The following MICU1 variants were observed in gnomAD, a reference collection of about 807,000 sequenced individuals.
The protein encoded by MICU1 is mitochondrial calcium uptake 1, also known as calcium uptake protein 1, mitochondrial.
A neutral mutation model predicts 56.8 loss-of-function variants in MICU1; 45 were observed. The observed-to-expected ratio is 0.79, with a 90% CI of 0.62 to 1.02. The LOEUF (loss-of-function observed/expected upper bound fraction) is 1.02, where lower values mean the gene tolerates loss of function less well. MICU1 is among the 50% of genes least tolerant of loss of function. The pLI is 0.00. For synonymous variants in MICU1, 186 were observed against 195.1 expected, an observed-to-expected ratio of 0.95 and a Z score of 0.39; for missense variants, 504 against 587.1, an observed-to-expected ratio of 0.86 and a Z score of 1.46.
At position 72,512,100 on chromosome 10, in the gene MICU1, GT is replaced by G. The variant is rs1199987987; in HGVS notation, c.538-3832del. 2.7e-4 allele frequency among the ~76,000 whole-genome samples: 22 copies of G among 82,328 alleles called. 1 individual carries two copies. In the Admixed American group the frequency reaches 3.2e-3, roughly 12 times the overall value. The allele number at this position is 82,328 out of a possible 152,430, so 54.0% of individuals were successfully genotyped here. A position where few individuals can be genotyped will look rare whatever the true frequency, so the allele number is the denominator to read the frequency against. On this transcript the variant is annotated intron_variant, in intron 5 of 11. Coordinates refer to ENST00000361114, the MANE Select transcript of MICU1 (RefSeq NM_001195518.2). The stretch of plus-strand genomic sequence containing the variant: ...ATCAATCTGGCATCCATACACAGTT[GT>G]TTTTTGTTTTTTTTTTTTTTTTTTT...
intron 7 of MICU1, among the ~76,000 whole-genome samples, chr10:72,476,019 G>A (rs537536156): frequency 2.6e-4 from 39 of 151,918 alleles, no homozygotes; most frequent in Admixed American, 2.6e-3. Flanking sequence ...CTGCGGTCAG[G>A]AGTTCGAGAC....
At chr10:72,423,414 G>A in intron 8 of MICU1, 43 bp from the exon 9 acceptor site, 1 of 1,594,600 alleles carries the variant, frequency 6.3e-7, no homozygotes, top group Non-Finnish European at 8.6e-7. Flanking sequence ...TCAATGGAAA[G>A]TATTTTGACG....
chr10:72,479,650 G>A (rs1866229749), intron 6 of MICU1, among the ~76,000 whole-genome samples: 1 of 152,074 alleles, frequency 6.6e-6, no homozygotes, highest in Non-Finnish European at 1.5e-5. Context: ...CTCAGCCTCT[G>A]GAGTAGCTAG....
chr10:72,533,715 T>C (rs1263051343), intron 5 of MICU1, 31 bp downstream of exon 5: 1 of 1,510,056 alleles, frequency 6.6e-7, no homozygotes, highest in Non-Finnish European at 9.1e-7. Context: ...AATGATAGGA[T>C]ATATGTATAG....
At chr10:72,611,691 C>G (rs1841854201) in intron 1 of MICU1, among the ~76,000 whole-genome samples, 1 of 151,986 alleles carries the variant, frequency 6.6e-6, no homozygotes, top group Admixed American at 6.6e-5. Flanking sequence ...TGGTCTGCCC[C>G]AATACTCTCA....
chr10:72,407,222 G>A (rs956813756), intron 10 of MICU1, among the ~76,000 whole-genome samples: 5 of 152,112 alleles, frequency 3.3e-5, no homozygotes, highest in African/African-American at 7.2e-5. Flanking sequence ...GTATACTTAC[G>A]TCTGCAACTT....
intron 8 of MICU1, among the ~76,000 whole-genome samples, chr10:72,450,106 G>A (rs1427500579): frequency 1.3e-5 from 2 of 152,108 alleles, no homozygotes; most frequent in Non-Finnish European, 2.9e-5. Context: ...GGGAGTGTTT[G>A]CAGAGAGACA....
intron 9 of MICU1, among the ~76,000 whole-genome samples, chr10:72,411,288 C>A (rs1250988847): frequency 6.6e-6 from 1 of 151,528 alleles, no homozygotes; most frequent in African/African-American, 2.4e-5. Flanking sequence ...TTACCACACA[C>A]AACACACATA....
intron 1 of MICU1, among the ~76,000 whole-genome samples, chr10:72,567,988 T>C (rs1840487455): frequency 6.6e-6 from 1 of 151,962 alleles, no homozygotes; most frequent in Non-Finnish European, 1.5e-5. Context: ...TGCTCAAGAG[T>C]ACAAAGGTAG....
At chr10:72,378,330 G>C (rs1319650814) in intron 10 of MICU1, among the ~76,000 whole-genome samples, 1 of 152,142 alleles carries the variant, frequency 6.6e-6, no homozygotes, top group Admixed American at 6.6e-5. Context: ...GGAGGGGCCT[G>C]GTAGGAGGTT....
chr10:72,533,191 T>G, intron 5 of MICU1: 1 of 1,204,838 alleles, frequency 8.3e-7, no homozygotes, highest in Non-Finnish European at 1.1e-6. Context: ...TTTGACTGCT[T>G]TATGAGACAA....
chr10:72,443,885 G>C (rs1379339633), intron 8 of MICU1, among the ~76,000 whole-genome samples: 1 of 151,022 alleles, frequency 6.6e-6, no homozygotes. Flanking sequence ...TATACCCAAA[G>C]GACTATAAAT....
intron 2 of MICU1, among the ~76,000 whole-genome samples, chr10:72,565,320 T>C (rs577896875): frequency 6.6e-6 from 1 of 152,126 alleles, no homozygotes; most frequent in South Asian, 2.1e-4. Flanking sequence ...TAAAACATGA[T>C]GAGTTCGTGT....
chr10:72,511,105 G>C (rs1016214157), intron 5 of MICU1, among the ~76,000 whole-genome samples: 1 of 151,952 alleles, frequency 6.6e-6, no homozygotes, highest in Non-Finnish European at 1.5e-5. Context: ...TCCTGTAGAG[G>C]TTTATTGGTT....
intron 10 of MICU1, among the ~76,000 whole-genome samples, chr10:72,381,963 T>C (rs1040094404): frequency 2.7e-4 from 38 of 138,454 alleles, no homozygotes; most frequent in African/African-American, 7.4e-4. Flanking sequence ...TATATATCTA[T>C]ACACACACAC....
intron 1 of MICU1, among the ~76,000 whole-genome samples, chr10:72,583,942 G>C (rs1005183717): frequency 1.3e-5 from 2 of 152,310 alleles, no homozygotes; most frequent in African/African-American, 2.4e-5. Flanking sequence ...TGAGAAGTGA[G>C]TATCTTCCAA....
At chr10:72,509,007 T>C (rs1035552588) in intron 5 of MICU1, among the ~76,000 whole-genome samples, 33 of 152,310 alleles carry the variant, frequency 2.2e-4, no homozygotes, top group African/African-American at 7.7e-4. Flanking sequence ...AGAAAGTTAG[T>C]TCTCAGCTTT....
At position 72,506,029 on chromosome 10, in the gene MICU1, CT is replaced by C. The variant is rs756692689; in HGVS notation, c.652+2125del. ...AAAAAAAACTAGTGATAAAGAGACT[CT>C]TAAAATCATACCCTGATTCTATTTT... On this transcript the variant is annotated intron_variant, in intron 6 of 11. Coordinates refer to ENST00000361114, the MANE Select transcript of MICU1 (RefSeq NM_001195518.2). Among the ~76,000 whole-genome samples, 171 of 148,852 alleles carry C rather than the reference CT, an allele frequency of 1.1e-3. 1 individual carries two copies. The highest frequency in any genetic ancestry group is 2.0e-3 in the Non-Finnish European group (136 of 67,336).
chr10:72,508,209 C>T lies in MICU1; in HGVS notation c.598G>A (p.Glu200Lys). The T allele has an allele frequency of 6.4e-7, 1 of 1,552,428 alleles. No homozygotes were observed. Among genetic ancestry groups the T allele is most frequent in the Non-Finnish European group, 8.8e-7 (1 of 1,138,980 alleles). Reference sequence around the variant, plus strand: ...TCTGAAAAGGATATGAGCCCACATTCTCCAAGGGTGTAAAATATACTGCCT... The same window carrying T: ...TCTGAAAAGGATATGAGCCCACATTTTCCAAGGGTGTAAAATATACTGCCT... ...DEGSIFYTLG[E>K]CGLISFSDYI... The change falls in exon 6 of 12, where the codon GAA (glutamate) becomes AAA (lysine). Residue 200 changes from glutamate (E) to lysine (K), a missense_variant. Glu to Lys is a moderately conservative substitution (Grantham distance 56). Transcript: ENST00000361114.
Sources: gnomAD v4.1 joint callset for allele counts (sites outside exome capture counted in the v4.1 genomes callset) on GRCh38, gnomAD v4.1.1 for gene constraint, MANE v1.5 for transcripts, NCBI Gene and HGNC (gene_info 2026-07-23, HGNC 2026-07-21) for gene names.